CABLES1: variants seen among roughly 807,000 people sequenced by gnomAD.
CABLES1 encodes the protein Cdk5 and Abl enzyme substrate 1, also known as CDK5 and ABL1 enzyme substrate 1.
In CABLES1, 36 loss-of-function variants were observed where a neutral mutation model predicts 57.8. That is an observed-to-expected ratio of 0.62 (90% CI 0.48 to 0.82). CABLES1 has a LOEUF of 0.82. Ranked by LOEUF, CABLES1 falls within the 40% of genes least tolerant of loss-of-function variation. The pLI is 0.00. For synonymous variants in CABLES1, 374 were observed against 363.0 expected (o/e 1.03, Z -0.35); for missense variants, 767 against 836.6 (o/e 0.92, Z 1.03).
intron 1 of CABLES1, among the ~76,000 whole-genome samples, chr18:23,177,046 C>T (rs1026433077): frequency 6.1e-4 from 93 of 152,194 alleles, no homozygotes; most frequent in African/African-American, 2.1e-3. Context: ...CAGCAAGGTT[C>T]GGTTCTCCCT....
At chr18:23,229,245 C>G (rs1346865241) in intron 4 of CABLES1, among the ~76,000 whole-genome samples, 2 of 152,102 alleles carry the variant, frequency 1.3e-5, no homozygotes, top group African/African-American at 4.8e-5. Flanking sequence ...AACCCCATCT[C>G]TACTAAAAAT....
At position 23,136,523 on chromosome 18, in the gene CABLES1, G is replaced by T. The variant is rs756693048; in HGVS notation, c.761G>T (p.Arg254Met). 1.9e-5 allele frequency: 30 copies of T among 1,589,652 alleles called. No individual in the cohort carries two copies. The highest frequency in any genetic ancestry group is 2.5e-5 in the Non-Finnish European group (29 of 1,174,652). ...GGAATCCTGCCCATCGCCTTCTCCA[G>T]GCCGACTTCGCAGAACTACTGCTCC... The part of the protein sequence containing the change: ...TQGILPIAFS[R>M]PTSQNYCSLE... Residue 254 changes from arginine to methionine, a missense_variant, in exon 1 of 10, where the codon AGG becomes ATG. Transcript: ENST00000256925.
At chr18:23,201,993 G>A (rs758582635) in intron 3 of CABLES1, among the ~76,000 whole-genome samples, 5 of 152,322 alleles carry the variant, frequency 3.3e-5, no homozygotes, top group East Asian at 1.9e-4. Context: ...CGGAAGGGCC[G>A]GGGTGTGTTT....
intron 7 of CABLES1, among the ~76,000 whole-genome samples, chr18:23,244,878 T>C (rs2047835449): frequency 6.6e-6 from 1 of 152,226 alleles, no homozygotes; most frequent in African/African-American, 2.4e-5. Context: ...AGCTCACATC[T>C]GCTTAGAACT....
At chr18:23,251,026 G>C (rs2048024283) in intron 7 of CABLES1, among the ~76,000 whole-genome samples, 1 of 152,220 alleles carries the variant, frequency 6.6e-6, no homozygotes, top group Non-Finnish European at 1.5e-5. Context: ...GAGGTGTCCA[G>C]AGAAAGCCAC....
intron 1 of CABLES1, among the ~76,000 whole-genome samples, chr18:23,174,769 G>A (rs1316653589): frequency 7.0e-6 from 1 of 143,746 alleles, no homozygotes; most frequent in African/African-American, 2.6e-5. Context: ...CACCGCGCCC[G>A]GCCTGTGTTT....
intron 7 of CABLES1, among the ~76,000 whole-genome samples, chr18:23,246,907 G>T (rs1312617558): frequency 1.3e-5 from 2 of 152,156 alleles, no homozygotes; most frequent in Non-Finnish European, 1.5e-5. Context: ...TGGCCAAGCT[G>T]GTCTCGAACT....
At chr18:23,136,796 G>A (rs73964439) in intron 1 of CABLES1, among the ~76,000 whole-genome samples, 189 bp downstream of exon 1, 2,115 of 152,358 alleles carry the variant, frequency 0.014, 61 homozygotes, top group African/African-American at 0.048. Context: ...GGGAGTGCGG[G>A]GTTACACGTG....
chr18:23,139,919 A>T (rs964529013), intron 1 of CABLES1, among the ~76,000 whole-genome samples: 1 of 152,224 alleles, frequency 6.6e-6, no homozygotes, highest in Non-Finnish European at 1.5e-5. Flanking sequence ...TCGTACTGGT[A>T]TAATTCAACA....
chr18:23,153,154 G>A (rs573918396), intron 1 of CABLES1, among the ~76,000 whole-genome samples: 2 of 151,738 alleles, frequency 1.3e-5, no homozygotes, highest in Non-Finnish European at 2.9e-5. Flanking sequence ...GGAGTGTAGC[G>A]GCATAACCTT....
At chr18:23,234,478 C>A in intron 4 of CABLES1, 130 bp from the exon 5 acceptor site, 1 of 694,742 alleles carries the variant, frequency 1.4e-6, no homozygotes, top group South Asian at 1.8e-5. Context: ...GGACAACGGG[C>A]TGTCCCATCA....
rs140035458 is a variant in CABLES1 at position 23,221,290 on chromosome 18, G to T, written c.1088+7236G>T. 4.1e-4 allele frequency among the ~76,000 whole-genome samples: 62 copies of T among 152,308 alleles called. No individual in the cohort carries two copies. The Middle Eastern group carries it at 0.01, about 25-fold the overall frequency. ...TACAGAGTTTGCTTGAATTCGATAG[G>T]AAATCGTCTGCTAGATATAATGAGA... On this transcript the variant is annotated intron_variant, in intron 4 of 9. Coordinates refer to ENST00000256925, the MANE Select transcript of CABLES1 (RefSeq NM_001100619.3).
chr18:23,136,759 G>A, intron 1 of CABLES1, 152 bp downstream of exon 1: 1 of 489,258 alleles, frequency 2.0e-6, no homozygotes, highest in Non-Finnish European at 3.3e-6. Context: ...CAAACCACGA[G>A]GGCACCCAAA....
intron 1 of CABLES1, among the ~76,000 whole-genome samples, chr18:23,185,597 C>G (rs1378069773): frequency 6.6e-6 from 1 of 152,124 alleles, no homozygotes; most frequent in African/African-American, 2.4e-5. Flanking sequence ...CACCCAGGGC[C>G]TCCCCAGGGC....
chr18:23,172,774 C>T (rs1268645229), intron 1 of CABLES1, among the ~76,000 whole-genome samples: 1 of 152,196 alleles, frequency 6.6e-6, no homozygotes, highest in Non-Finnish European at 1.5e-5. Flanking sequence ...TCCTGAACAG[C>T]CTGGTAATTA....
At chr18:23,228,866 A>G (rs1488975576) in intron 4 of CABLES1, among the ~76,000 whole-genome samples, 1 of 152,120 alleles carries the variant, frequency 6.6e-6, no homozygotes, top group East Asian at 1.9e-4. Context: ...CTCTAGGTAC[A>G]TGTGGCTAAG....
At chr18:23,167,696 AAC>A (rs1277975636) in intron 1 of CABLES1, among the ~76,000 whole-genome samples, 3 of 150,962 alleles carry the variant, frequency 2.0e-5, no homozygotes, top group Non-Finnish European at 4.4e-5. Flanking sequence ...ACCAGGCTGC[AAC>A]AGAGTGAAGC....
chr18:23,192,812 A>T (rs2047254425), intron 2 of CABLES1, among the ~76,000 whole-genome samples: 1 of 152,182 alleles, frequency 6.6e-6, no homozygotes, highest in South Asian at 2.1e-4. Context: ...GGAGGAAGAA[A>T]TGAGGCTGTT....
chr18:23,139,640 A>T (rs1482573648), intron 1 of CABLES1, among the ~76,000 whole-genome samples: 1 of 152,180 alleles, frequency 6.6e-6, no homozygotes, highest in Non-Finnish European at 1.5e-5. Context: ...TGGATTCTTG[A>T]CATCTATTGT....
Sources: gnomAD v4.1 joint callset for allele counts (sites outside exome capture counted in the v4.1 genomes callset) on GRCh38, gnomAD v4.1.1 for gene constraint, MANE v1.5 for transcripts, NCBI Gene and HGNC (gene_info 2026-07-23, HGNC 2026-07-21) for gene names.